Variants in ACSF2 observed in about 807,000 individuals in gnomAD.
The protein encoded by ACSF2 is acyl-CoA synthetase family member 2.
A neutral mutation model predicts 79.3 loss-of-function variants in ACSF2; 52 were observed. The observed-to-expected ratio is 0.66, with a 90% CI of 0.53 to 0.83. ACSF2 has a LOEUF of 0.83. Among genes scored for constraint, ACSF2 ranks in the 40% least tolerant of loss-of-function variants. The pLI, the probability that ACSF2 is intolerant of heterozygous loss-of-function variation, is 0.00. For synonymous variants in ACSF2, 283 were observed against 312.6 expected, an observed-to-expected ratio of 0.91 and a Z score of 1.00; for missense variants, 661 against 803.3, an observed-to-expected ratio of 0.82 and a Z score of 2.14.
chr17:50,433,256 C>A (rs1419898535), intron 1 of ACSF2, among the ~76,000 whole-genome samples: 2 of 152,078 alleles, frequency 1.3e-5, no homozygotes, highest in African/African-American at 2.4e-5. Flanking sequence ...CAGACACCTG[C>A]CACCACGCCC....
At chr17:50,446,193 T>A (rs2031287581) in intron 1 of ACSF2, among the ~76,000 whole-genome samples, 1 of 152,220 alleles carries the variant, frequency 6.6e-6, no homozygotes, top group East Asian at 1.9e-4. Context: ...GGTACTGCAA[T>A]GTTGCTAAAT....
chr17:50,430,173 G>A (rs1215482244), intron 1 of ACSF2, among the ~76,000 whole-genome samples: 1 of 152,144 alleles, frequency 6.6e-6, no homozygotes, highest in Non-Finnish European at 1.5e-5. Flanking sequence ...GGGGACAGAG[G>A]GGTAAGGGGG....
At chr17:50,469,825 G>A (rs528281195) in intron 10 of ACSF2, 2 of 152,460 alleles carry the variant, frequency 1.3e-5, no homozygotes, top group South Asian at 4.1e-4. Context: ...GGGTGCGGGA[G>A]GGGGTGGGGC....
intron 1 of ACSF2, among the ~76,000 whole-genome samples, chr17:50,441,078 A>G (rs534396049): frequency 5.2e-5 from 8 of 152,384 alleles, no homozygotes; most frequent in African/African-American, 1.7e-4. Context: ...TGGGCTGCAG[A>G]GTAAAGAGTA....
intron 1 of ACSF2, among the ~76,000 whole-genome samples, chr17:50,443,339 A>T (rs2031076415): frequency 6.6e-6 from 1 of 152,228 alleles, no homozygotes; most frequent in Non-Finnish European, 1.5e-5. Flanking sequence ...AGGTATGCAT[A>T]TTCAGAATGT....
chr17:50,442,052 C>G (rs1270228064), intron 1 of ACSF2, among the ~76,000 whole-genome samples: 1 of 152,088 alleles, frequency 6.6e-6, no homozygotes, highest in Non-Finnish European at 1.5e-5. Flanking sequence ...CACCTGTAAT[C>G]CCAGCACTTT....
At chr17:50,429,985 G>A (rs1317740840) in intron 1 of ACSF2, among the ~76,000 whole-genome samples, 2 of 152,248 alleles carry the variant, frequency 1.3e-5, no homozygotes, top group African/African-American at 4.8e-5. Flanking sequence ...AGAAACCTGG[G>A]CTGAGCAGGC....
At chr17:50,461,005 G>A in intron 2 of ACSF2, 133 bp downstream of exon 2, 1 of 1,195,466 alleles carries the variant, frequency 8.4e-7, no homozygotes, top group Non-Finnish European at 1.2e-6. Context: ...CCGAGGGATG[G>A]CAGGAGAAGG....
In ACSF2 at chr17:50,462,517, C is replaced by T. The variant is rs776815146; in HGVS notation, c.724C>T (p.Leu242=). 1.1e-5 allele frequency: 17 copies of T among 1,613,874 alleles called. No homozygotes were observed. Among genetic ancestry groups the T allele is most frequent in the Non-Finnish European group, 1.4e-5 (17 of 1,180,028 alleles). ...VVAAGSTRQH[L]DQLQYNQQFL... ...GGCGGCTGGCAGCACACGGCAGCAT[C>T]TGGACCAGCTCCAATACAACCAGCA... is the stretch of plus-strand genomic sequence containing the variant. The change falls in exon 6 of 16, where the codon CTG becomes TTG. Residue 242 remains leucine (L), a synonymous_variant. Coordinates refer to ENST00000300441, the MANE Select transcript of ACSF2 (RefSeq NM_025149.6).
intron 1 of ACSF2, among the ~76,000 whole-genome samples, chr17:50,457,395 G>A (rs1372242245): frequency 6.6e-6 from 1 of 152,226 alleles, no homozygotes; most frequent in Non-Finnish European, 1.5e-5. Context: ...TGGAGGTTTG[G>A]AGGGACATGC....
intron 10 of ACSF2, among the ~76,000 whole-genome samples, chr17:50,469,439 A>C (rs1275633603): frequency 6.6e-6 from 1 of 152,022 alleles, no homozygotes; most frequent in African/African-American, 2.4e-5. Flanking sequence ...TTCAGACTCG[A>C]CGCGCCGAAG....
In ACSF2 at chr17:50,426,402, C is replaced by G. The variant is rs202107007; in HGVS notation, c.128+13C>G. 3.0e-6 allele frequency: 4 copies of G among 1,316,198 alleles called. No homozygotes were observed. The highest frequency in any genetic ancestry group is 2.4e-5 in the South Asian group (1 of 41,764). The allele number at this position is 1,316,198 out of a possible 1,614,324, so 81.5% of individuals were successfully genotyped here. On this transcript the variant is annotated intron_variant, in intron 1 of 15. Coordinates refer to ENST00000300441, the MANE Select transcript of ACSF2 (RefSeq NM_025149.6). ...TCCGCTTCCTCAGGTACTGGCCCCCCGCGGGAAGAGAGGGGGCGGGGCAGT... is the reference window on the plus strand; with the variant it reads ...TCCGCTTCCTCAGGTACTGGCCCCCGGCGGGAAGAGAGGGGGCGGGGCAGT...
chr17:50,442,417 C>T (rs1020727692), intron 1 of ACSF2, among the ~76,000 whole-genome samples: 1 of 151,340 alleles, frequency 6.6e-6, no homozygotes, highest in African/African-American at 2.4e-5. Flanking sequence ...CCCGCCTTGG[C>T]CTCCAAAAGT....
At chr17:50,441,527 T>C (rs763840015) in intron 1 of ACSF2, among the ~76,000 whole-genome samples, 8 of 152,148 alleles carry the variant, frequency 5.3e-5, no homozygotes, top group Non-Finnish European at 7.4e-5. Flanking sequence ...TTGTATTGTA[T>C]TGGGGTCTTG....
At chr17:50,441,198 G>A (rs1280642772) in intron 1 of ACSF2, among the ~76,000 whole-genome samples, 1 of 152,236 alleles carries the variant, frequency 6.6e-6, no homozygotes, top group South Asian at 2.1e-4. Flanking sequence ...AGTAATGTGA[G>A]AATCATATGA....
chr17:50,458,507 G>T (rs931220398), intron 1 of ACSF2, among the ~76,000 whole-genome samples: 2 of 152,116 alleles, frequency 1.3e-5, no homozygotes, highest in African/African-American at 4.8e-5. Flanking sequence ...TTTCCTTGGA[G>T]CCCCAGGTGA....
intron 1 of ACSF2, among the ~76,000 whole-genome samples, chr17:50,445,641 A>AT (rs2031250901): frequency 6.6e-6 from 1 of 151,848 alleles, no homozygotes; most frequent in Non-Finnish European, 1.5e-5. Context: ...TACAAAAAAA[A>AT]TTTTTTTTAA....
At chr17:50,435,486 G>T (rs1237975749) in intron 1 of ACSF2, among the ~76,000 whole-genome samples, 3 of 151,696 alleles carry the variant, frequency 2.0e-5, no homozygotes, top group Non-Finnish European at 4.4e-5. Context: ...CCACGGCTCA[G>T]TGCAGCCTCA....
chr17:50,426,490 A>C, intron 1 of ACSF2, 101 bp downstream of exon 1: 6 of 1,241,686 alleles, frequency 4.8e-6, no homozygotes, highest in Non-Finnish European at 6.1e-6. Context: ...GGACGAGTGC[A>C]CTGGGGGGAA....
Sources: allele counts gnomAD v4.1 joint callset (sites outside exome capture counted in the v4.1 genomes callset), GRCh38; gene constraint gnomAD v4.1.1; transcripts MANE v1.5; gene names NCBI Gene and HGNC (gene_info 2026-07-23, HGNC 2026-07-21).